ZNF532: variants seen among roughly 807,000 people sequenced by gnomAD.
The protein encoded by ZNF532 is zinc finger protein 532.
ZNF532 carries 22 observed loss-of-function variants against 89.3 expected under a neutral mutation model. The observed-to-expected ratio is 0.25, with a 90% CI of 0.18 to 0.35. The LOEUF (loss-of-function observed/expected upper bound fraction) is 0.35, where lower values mean the gene tolerates loss of function less well. Among genes scored for constraint, ZNF532 ranks in the 10% least tolerant of loss-of-function variants. ZNF532 has a pLI of 1.00. For synonymous variants in ZNF532, 606 were observed against 649.6 expected, an observed-to-expected ratio of 0.93 and a Z score of 1.02; for missense variants, 1,132 against 1,643.4, an observed-to-expected ratio of 0.69 and a Z score of 5.38.
intron 9 of ZNF532, 84 bp downstream of exon 9, chr18:58,981,701 T>C: frequency 1.3e-6 from 2 of 1,552,384 alleles, no homozygotes; most frequent in Non-Finnish European, 1.8e-6. Context: ...AAGTTTTTGT[T>C]GCATAGTTAC....
intron 3 of ZNF532, among the ~76,000 whole-genome samples, chr18:58,921,571 T>C (rs1224679962): frequency 6.6e-6 from 1 of 152,186 alleles, no homozygotes; most frequent in Non-Finnish European, 1.5e-5. Context: ...ACAGAATACC[T>C]TTGTGTGTGT....
chr18:58,938,166 C>T (rs910951039), intron 4 of ZNF532, among the ~76,000 whole-genome samples: 7 of 152,176 alleles, frequency 4.6e-5, no homozygotes, highest in Non-Finnish European at 7.4e-5. Flanking sequence ...GGACACTGCC[C>T]CCCGGAAACC....
chr18:58,944,623 TC>T (rs2063498163), intron 5 of ZNF532, among the ~76,000 whole-genome samples: 1 of 152,100 alleles, frequency 6.6e-6, no homozygotes, highest in African/African-American at 2.4e-5. Context: ...ATGCTGCCCC[TC>T]CTCTCTGCCT....
At chr18:58,888,832 ATATAT>A (rs1568247578) in intron 2 of ZNF532, among the ~76,000 whole-genome samples, 60 of 61,522 alleles carry the variant, frequency 9.8e-4, no homozygotes, top group East Asian at 7.4e-3. Context: ...TATAAATTAT[ATATAT>A]AATTTATATA....
chr18:58,928,800 C>T (rs1321523048), intron 3 of ZNF532, among the ~76,000 whole-genome samples: 1 of 152,150 alleles, frequency 6.6e-6, no homozygotes, highest in Non-Finnish European at 1.5e-5. Flanking sequence ...CTTTGGGTTA[C>T]GTTGAGAAAA....
Position 58,953,710 on chromosome 18 carries a change from G to C in ZNF532, c.3061G>C (p.Ala1021Pro), listed in dbSNP as rs1415073293. The change falls in exon 7 of 10, where the codon GCC (alanine) becomes CCC (proline). Residue 1021 changes from alanine (A) to proline (P), a missense_variant. Transcript: ENST00000591808. ...AAAATCAATGGAAACCAAGAAAGTG[G>C]CCAGTCCTGGGTGGACGTGTTGGGA... ...VKKSMETKKVASPGWTCWECD... is the reference protein window; with the variant it reads ...VKKSMETKKVPSPGWTCWECD... 6.2e-7 allele frequency: 1 copy of C among 1,613,944 alleles called. No homozygotes were observed. Among genetic ancestry groups the C allele is most frequent in the African/African-American group, 1.3e-5 (1 of 74,912 alleles).
intron 4 of ZNF532, among the ~76,000 whole-genome samples, chr18:58,939,067 C>G (rs147124447): frequency 6.6e-6 from 1 of 151,390 alleles, no homozygotes; most frequent in Non-Finnish European, 1.5e-5. Context: ...GCCAACATGG[C>G]GAAACCCCAT....
intron 7 of ZNF532, among the ~76,000 whole-genome samples, chr18:58,957,748 A>G (rs1036169735): frequency 6.6e-6 from 1 of 152,152 alleles, no homozygotes; most frequent in Non-Finnish European, 1.5e-5. Context: ...TTGAGTAAAG[A>G]TATTCAGTAG....
intron 2 of ZNF532, among the ~76,000 whole-genome samples, chr18:58,875,967 C>G (rs2057391874): frequency 7.0e-6 from 1 of 142,378 alleles, no homozygotes; most frequent in Non-Finnish European, 1.5e-5. Flanking sequence ...GAGTCTCGCT[C>G]TGTCGCCCAG....
At chr18:58,918,005 A>T (rs1460500199) in intron 2 of ZNF532, among the ~76,000 whole-genome samples, 2 of 152,132 alleles carry the variant, frequency 1.3e-5, no homozygotes, top group African/African-American at 4.8e-5. Context: ...GTTTCAATCA[A>T]CTTCATTCTT....
chr18:58,940,171 GCGT>G (rs2062862413), intron 5 of ZNF532: 1 of 152,178 alleles, frequency 6.6e-6, no homozygotes, highest in South Asian at 2.1e-4. Context: ...AGGATTACAG[GCGT>G]GAGCCACGGC....
intron 2 of ZNF532, among the ~76,000 whole-genome samples, chr18:58,899,813 T>C (rs1249641510): frequency 6.6e-6 from 1 of 152,232 alleles, no homozygotes; most frequent in Non-Finnish European, 1.5e-5. Context: ...TATTGAACTT[T>C]TAATTTTCAT....
intron 2 of ZNF532, among the ~76,000 whole-genome samples, chr18:58,889,897 C>T (rs1003599610): frequency 3.3e-5 from 5 of 152,130 alleles, no homozygotes; most frequent in African/African-American, 1.2e-4. Flanking sequence ...ACCTGGCCAA[C>T]ATGGTGAAAC....
In ZNF532 at chr18:58,918,418, A is replaced by G. The variant is rs772278694; in HGVS notation, c.131A>G (p.Asn44Ser). Residue 44 changes from asparagine (N) to serine (S), a missense_variant, in exon 3 of 10, where the codon AAT becomes AGT. This residue lies in a region of ZNF532 where 302 missense variants were observed against 319.8 expected (regional missense o/e 0.94). Transcript: ENST00000591808. The part of the protein sequence containing the change: ...HDDHESHMKQ[N>S]AHGEDDSHAP... Reference sequence around the variant, plus strand: ...GACCATGAAAGCCACATGAAGCAGAATGCTCACGGAGAGGATGACTCCCAC... The same window carrying G: ...GACCATGAAAGCCACATGAAGCAGAGTGCTCACGGAGAGGATGACTCCCAC... 1.2e-6 allele frequency: 2 copies of G among 1,614,188 alleles called. No homozygotes were observed. The highest frequency in any genetic ancestry group is 4.5e-5 in the East Asian group (2 of 44,882).
At chr18:58,966,738 G>GTTTTTTTTTTTTTTTTTTTTTTTT (rs540133909) in intron 7 of ZNF532, among the ~76,000 whole-genome samples, 1 of 125,994 alleles carries the variant, frequency 7.9e-6, no homozygotes, top group Non-Finnish European at 1.7e-5. Flanking sequence ...ATTTTTTTGT[G>GTTTTTTTTTTTTTTTTTTTTTTTT]TTTTTTTTTT....
rs1568248976 is a variant in ZNF532, at chr18:58,888,886, ATATTTT to A, written c.-18+23308_-18+23313del. Among the ~76,000 whole-genome samples the A allele has an allele frequency of 2.7e-4, 14 of 51,668 alleles. 1 individual carries two copies. Among genetic ancestry groups the A allele is most frequent in the African/African-American group, 6.8e-4 (7 of 10,266 alleles). 33.9% of individuals were successfully genotyped at this position (51,668 alleles called of 152,430 possible). ...TATATATAATATATATTATATATAT[ATATTTT>A]ATATATATATATATATATATAATTC... is the stretch of plus-strand genomic sequence containing the variant. On this transcript the variant is annotated intron_variant, in intron 2 of 9. Coordinates refer to ENST00000591808, the MANE Select transcript of ZNF532 (RefSeq NM_001375912.1).
chr18:58,890,808 C>T (rs1038379178), intron 2 of ZNF532, among the ~76,000 whole-genome samples: 6 of 151,696 alleles, frequency 4.0e-5, no homozygotes, highest in Non-Finnish European at 8.8e-5. Flanking sequence ...CTCTTCTTCC[C>T]GGTAGGTAAA....
chr18:58,896,924 C>T (rs1481707724), intron 2 of ZNF532, among the ~76,000 whole-genome samples: 1 of 152,198 alleles, frequency 6.6e-6, no homozygotes, highest in Non-Finnish European at 1.5e-5. Flanking sequence ...TGTGACCATG[C>T]ATTTGAAAGC....
intron 7 of ZNF532, among the ~76,000 whole-genome samples, chr18:58,975,115 T>C (rs772841038): frequency 1.3e-5 from 2 of 152,094 alleles, no homozygotes; most frequent in Non-Finnish European, 2.9e-5. Context: ...TAGGAGTGAA[T>C]TTTGGAGGGA....
Sources: allele counts gnomAD v4.1 joint callset (sites outside exome capture counted in the v4.1 genomes callset), GRCh38; gene constraint gnomAD v4.1.1; regional missense constraint gnomAD v4.1.1; transcripts MANE v1.5; gene names NCBI Gene and HGNC (gene_info 2026-07-23, HGNC 2026-07-21).